The following DNAH14 variants were observed in gnomAD, a reference collection of about 807,000 sequenced individuals.
DNAH14 encodes axonemal beta dynein heavy chain 14.
DNAH14 carries 478 observed loss-of-function variants against 520.9 expected under a neutral mutation model. The ratio of observed to expected loss-of-function variants is 0.92; its 90% CI spans 0.85 to 0.99. The LOEUF (loss-of-function observed/expected upper bound fraction) is 0.99, where lower values mean the gene tolerates loss of function less well. Among genes scored for constraint, DNAH14 ranks in the 50% least tolerant of loss-of-function variants. The pLI, the probability that DNAH14 is intolerant of heterozygous loss-of-function variation, is 0.00. For synonymous variants in DNAH14, 1,581 were observed against 1,757.2 expected (o/e 0.90, Z 2.51); for missense variants, 4,831 against 5,234.5 (o/e 0.92, Z 2.38).
intron 56 of DNAH14, among the ~76,000 whole-genome samples, chr1:225,301,807 A>T (rs2094144465): frequency 6.6e-6 from 1 of 152,134 alleles, no homozygotes; most frequent in Non-Finnish European, 1.5e-5. Flanking sequence ...TCACAAGGAG[A>T]TGTTTTAAAA....
intron 28 of DNAH14, among the ~76,000 whole-genome samples, chr1:225,142,879 T>C (rs548322873): frequency 3.3e-5 from 5 of 152,302 alleles, no homozygotes; most frequent in African/African-American, 1.2e-4. Context: ...TGAGCTGAGA[T>C]TGTGCCACTG....
At chr1:225,093,094 A>G (rs527385923) in intron 21 of DNAH14, among the ~76,000 whole-genome samples, 2 of 152,106 alleles carry the variant, frequency 1.3e-5, no homozygotes, top group Non-Finnish European at 2.9e-5. Flanking sequence ...TACCATTCCT[A>G]CTGAAATGAT....
intron 77 of DNAH14, 21 bp from the exon 78 acceptor site, chr1:225,374,667 A>G (rs2095673163): frequency 6.6e-7 from 1 of 1,524,208 alleles, no homozygotes; most frequent in East Asian, 2.5e-5. Context: ...GAAATAATAA[A>G]GACTCATGGG....
intron 35 of DNAH14, among the ~76,000 whole-genome samples, chr1:225,165,805 G>A (rs921393311): frequency 3.3e-5 from 5 of 151,844 alleles, no homozygotes; most frequent in Non-Finnish European, 5.9e-5. Flanking sequence ...GGCTGATCTC[G>A]AACTCCTGGG....
At chr1:225,326,834 C>T (rs2094682708) in intron 64 of DNAH14, among the ~76,000 whole-genome samples, 1 of 151,246 alleles carries the variant, frequency 6.6e-6, no homozygotes, top group South Asian at 2.1e-4. Context: ...CATTTTTAGT[C>T]ACTGAAAGTC....
chr1:224,945,694 G>A (rs2059762560), intron 1 of DNAH14, among the ~76,000 whole-genome samples: 1 of 152,298 alleles, frequency 6.6e-6, no homozygotes, highest in Non-Finnish European at 1.5e-5. Context: ...CTGTTTGTTA[G>A]TTTTCCTTCC....
intron 66 of DNAH14, among the ~76,000 whole-genome samples, chr1:225,334,884 A>ATGTGTG (rs1218533136): frequency 1.8e-4 from 26 of 143,154 alleles, no homozygotes; most frequent in African/African-American, 5.6e-4. Context: ...CTACATATAT[A>ATGTGTG]TGTGTGTGTG....
chr1:225,393,813 T>TC (rs2095957344), intron 84 of DNAH14, among the ~76,000 whole-genome samples: 1 of 140,198 alleles, frequency 7.1e-6, no homozygotes, highest in Non-Finnish European at 1.5e-5. Flanking sequence ...TATCTTTTTT[T>TC]GTTTTTTTTT....
chr1:224,964,633 T>A, intron 5 of DNAH14, 24 bp downstream of exon 5: 1 of 1,488,666 alleles, frequency 6.7e-7, no homozygotes, highest in Non-Finnish European at 9.0e-7. Flanking sequence ...TTATTTAATT[T>A]TGATCTTTAA....
chr1:225,286,545 A>C (rs1376274095), intron 54 of DNAH14, among the ~76,000 whole-genome samples: 1 of 152,210 alleles, frequency 6.6e-6, no homozygotes, highest in Non-Finnish European at 1.5e-5. Flanking sequence ...ATCCCTATTA[A>C]AATGACCAAA....
chr1:225,162,019 C>G (rs1174937647), intron 35 of DNAH14, among the ~76,000 whole-genome samples: 1 of 152,134 alleles, frequency 6.6e-6, no homozygotes, highest in East Asian at 1.9e-4. Context: ...CATGCGATTC[C>G]ATTTACCCAT....
rs183667595 is a variant in DNAH14, at chr1:225,371,399, C to A, written c.12319-3289C>A. ...ATTTTGGAGCCATTTCTAGTAAAAACCTAAAGTAATAGGATTAAAAGGAAC... is the reference window on the plus strand; with the variant it reads ...ATTTTGGAGCCATTTCTAGTAAAAAACTAAAGTAATAGGATTAAAAGGAAC... On this transcript the variant is annotated intron_variant, in intron 77 of 85. Coordinates refer to ENST00000682510, the MANE Select transcript of DNAH14 (RefSeq NM_001367479.1). 1.9e-4 allele frequency among the ~76,000 whole-genome samples: 29 copies of A among 151,784 alleles called. 1 individual carries two copies. In the Middle Eastern group the frequency reaches 0.017, roughly 89 times the overall value.
intron 42 of DNAH14, among the ~76,000 whole-genome samples, chr1:225,233,420 A>C (rs1200398585): frequency 1.3e-5 from 2 of 152,200 alleles, no homozygotes; most frequent in African/African-American, 4.8e-5. Context: ...TTACACTCCC[A>C]CCAACAGTGT....
intron 49 of DNAH14, 120 bp downstream of exon 49, chr1:225,266,889 G>C: frequency 2.3e-6 from 2 of 886,898 alleles, no homozygotes; most frequent in Non-Finnish European, 3.2e-6. Flanking sequence ...ATATGGACAT[G>C]TTAAGCAAAG....
At position 225,159,342 on chromosome 1, in the gene DNAH14, G is replaced by T. The variant is rs2081328066; in HGVS notation, c.5302G>T (p.Asp1768Tyr). Residue 1768 changes from aspartate to tyrosine, a missense_variant, in exon 35 of 86, where the codon GAT (aspartate) becomes TAT (tyrosine). By Grantham distance (160) the Asp-to-Tyr change is radical. Coordinates refer to ENST00000682510, the MANE Select transcript of DNAH14 (RefSeq NM_001367479.1). ...TACCAGTGACAGTCTTTCTGAAGCA[G>T]ATGAAACCTTGATTGTTATCGAGGC... ...CDTSDSLSEA[D>Y]ETLIVIEAIR... 1.3e-6 allele frequency: 2 copies of T among 1,551,516 alleles called. No individual in the cohort carries two copies. Among genetic ancestry groups the T allele is most frequent in the Non-Finnish European group, 8.7e-7 (1 of 1,146,854 alleles).
intron 17 of DNAH14, among the ~76,000 whole-genome samples, chr1:225,058,140 G>A (rs886940324): frequency 7.2e-5 from 11 of 152,250 alleles, no homozygotes; most frequent in Admixed American, 4.6e-4. Context: ...GTAGAATTCG[G>A]CTGTGAAACC....
intron 8 of DNAH14, among the ~76,000 whole-genome samples, chr1:224,994,397 T>A (rs764616213): frequency 6.6e-6 from 1 of 152,092 alleles, no homozygotes; most frequent in Non-Finnish European, 1.5e-5. Context: ...ATCATCTTGA[T>A]GAGTTGACCC....
intron 26 of DNAH14, among the ~76,000 whole-genome samples, chr1:225,120,064 A>C (rs1050004994): frequency 6.6e-6 from 1 of 152,192 alleles, no homozygotes; most frequent in Admixed American, 6.5e-5. Flanking sequence ...AGTAATTCAC[A>C]CAAGCCAGCT....
At chr1:225,258,980 A>G in intron 45 of DNAH14, 141 bp from the exon 46 acceptor site, 1 of 852,950 alleles carries the variant, frequency 1.2e-6, no homozygotes, top group Non-Finnish European at 1.7e-6. Context: ...ACTCTTAACC[A>G]CATTTTTTTA....
Sources: allele counts gnomAD v4.1 joint callset (sites outside exome capture counted in the v4.1 genomes callset), GRCh38; gene constraint gnomAD v4.1.1; transcripts MANE v1.5; gene names NCBI Gene and HGNC (gene_info 2026-07-23, HGNC 2026-07-21).